Variants in TACO1 observed in about 807,000 individuals in gnomAD.
TACO1 encodes the protein translational activator of cytochrome c oxidase I.
TACO1 carries 13 observed loss-of-function variants against 24.0 expected under a neutral mutation model. The ratio of observed to expected loss-of-function variants is 0.54; its 90% CI spans 0.35 to 0.86. The LOEUF (loss-of-function observed/expected upper bound fraction) is 0.86, where lower values mean the gene tolerates loss of function less well. TACO1 is among the 40% of genes least tolerant of loss of function. The probability of loss-of-function intolerance (pLI) is 0.01; values close to 1 mark genes in which losing one functional copy is unlikely to be tolerated. For missense variants in TACO1, 352 were observed against 380.1 expected, an observed-to-expected ratio of 0.93 and a Z score of 0.61; for synonymous variants, 149 against 153.5, an observed-to-expected ratio of 0.97 and a Z score of 0.22.
intron 2 of TACO1, 29 bp downstream of exon 2, chr17:63,604,669 G>A (rs887069990): frequency 2.5e-6 from 4 of 1,589,940 alleles, no homozygotes; most frequent in Non-Finnish European, 2.6e-6. Context: ...GCTTTTTATT[G>A]ATCACAGCCT....
In TACO1 at chr17:63,606,626, A is replaced by G. The variant is rs539014893; in HGVS notation, c.515+186A>G. 1.5e-5 allele frequency: 10 copies of G among 660,430 alleles called. No homozygotes were observed. In the South Asian group the frequency reaches 1.8e-4, roughly 12 times the overall value. The allele number at this position is 660,430 out of a possible 1,614,324, so 40.9% of individuals were successfully genotyped here. ...AATGGCATGATCTTGGCTCACTGCA[A>G]CCTCTGCTTTCTGGGTTCAAGTGAT... On this transcript the variant is annotated intron_variant, in intron 3 of 4. Coordinates refer to ENST00000258975, the MANE Select transcript of TACO1 (RefSeq NM_016360.4).
intron 1 of TACO1, among the ~76,000 whole-genome samples, chr17:63,603,172 C>T (rs1484903636): frequency 2.0e-5 from 3 of 151,780 alleles, no homozygotes; most frequent in Non-Finnish European, 4.4e-5. Context: ...GAAGGCGGCG[C>T]TTGCAGTGAG....
intron 1 of TACO1, among the ~76,000 whole-genome samples, chr17:63,603,010 C>T (rs927304971): frequency 1.3e-5 from 2 of 151,954 alleles, no homozygotes; most frequent in Non-Finnish European, 2.9e-5. Context: ...CTGAGGCCGG[C>T]GGATCACGAG....
In TACO1 at chr17:63,608,150, A is replaced by G; in HGVS notation, c.*148A>G. 1 of 840,976 alleles carries G rather than the reference A, an allele frequency of 1.2e-6. No homozygotes were observed. The highest frequency in any genetic ancestry group is 1.5e-5 in the South Asian group (1 of 68,900). 52.1% of individuals were successfully genotyped at this position (840,976 alleles called of 1,614,324 possible). A position where few individuals can be genotyped will look rare whatever the true frequency, so the allele number is the denominator to read the frequency against. The stretch of plus-strand genomic sequence containing the variant: ...GGACAGGACTTGCGACCTTGAAGCC[A>G]AAGGAATCTCACTTGTGGGGCCTCC... On this transcript the variant is annotated 3_prime_UTR_variant, in exon 5 of 5. Transcript: ENST00000258975.
chr17:63,605,346 A>T (rs1324486764), intron 2 of TACO1, among the ~76,000 whole-genome samples: 1 of 152,084 alleles, frequency 6.6e-6, no homozygotes, highest in Non-Finnish European at 1.5e-5. Context: ...TGGGAGGGGC[A>T]GGTATATAGA....
chr17:63,603,706 A>G (rs2033839605), intron 1 of TACO1, among the ~76,000 whole-genome samples: 1 of 145,438 alleles, frequency 6.9e-6, no homozygotes, highest in Admixed American at 6.6e-5. Flanking sequence ...ACAGAGTGAG[A>G]CTCTGTCTCA....
At chr17:63,603,185 G>A (rs1327553421) in intron 1 of TACO1, among the ~76,000 whole-genome samples, 1 of 151,748 alleles carries the variant, frequency 6.6e-6, no homozygotes, top group Non-Finnish European at 1.5e-5. Flanking sequence ...GCAGTGAGCC[G>A]AGATTACACC....
intron 1 of TACO1, among the ~76,000 whole-genome samples, chr17:63,603,648 T>C (rs1250983321): frequency 1.3e-5 from 2 of 149,368 alleles, no homozygotes; most frequent in Non-Finnish European, 3.0e-5. Flanking sequence ...GGAGGTTGCA[T>C]TGAGCCAAGA....
intron 3 of TACO1, 55 bp from the exon 4 acceptor site, chr17:63,607,232 G>A: frequency 6.7e-7 from 1 of 1,492,312 alleles, no homozygotes; most frequent in Non-Finnish European, 9.3e-7. Context: ...GAGCTTTATG[G>A]AGGCTGAGCT....
At chr17:63,604,707 C>A (rs2033849861) in intron 2 of TACO1, 67 bp downstream of exon 2, 3 of 1,381,844 alleles carry the variant, frequency 2.2e-6, no homozygotes, top group Non-Finnish European at 3.1e-6. Flanking sequence ...GGATGGCCAA[C>A]AAACACACTG....
At chr17:63,606,273 A>G in intron 2 of TACO1, 40 bp from the exon 3 acceptor site, 1 of 1,612,084 alleles carries the variant, frequency 6.2e-7, no homozygotes, top group Non-Finnish European at 8.5e-7. Context: ...GTGGGAAGGA[A>G]TTGGGAAACA....
At chr17:63,607,061 C>A in intron 3 of TACO1, 1 of 589,518 alleles carries the variant, frequency 1.7e-6, no homozygotes. Flanking sequence ...GCTAAGTCTG[C>A]TTCCTCCCAA....
chr17:63,602,921 G>A (rs773760415), intron 1 of TACO1, among the ~76,000 whole-genome samples: 1 of 152,160 alleles, frequency 6.6e-6, no homozygotes, highest in Non-Finnish European at 1.5e-5. Context: ...AGATCACAAT[G>A]TCATGTGAAC....
rs773946090 is a variant in TACO1 at position 63,601,204 on chromosome 17, G to T, written c.121G>T (p.Gly41Cys). 1.3e-6 allele frequency: 2 copies of T among 1,573,944 alleles called. No homozygotes were observed. The highest frequency in any genetic ancestry group is 1.9e-5 in the Admixed American group (1 of 53,590). The change falls in exon 1 of 5, where the codon GGC becomes TGC. Residue 41 changes from glycine to cysteine, a missense_variant. Physicochemically the swap from Gly to Cys is radical, Grantham distance 159 (BLOSUM62 -3). Transcript: ENST00000258975. Reference sequence around the variant, plus strand: ...CCGGCCCTCCCACCCCGAGCCCCGGGGCTGCGGTGCCGCTCCGGGCAGGAC... The same window carrying T: ...CCGGCCCTCCCACCCCGAGCCCCGGTGCTGCGGTGCCGCTCCGGGCAGGAC... ...DPRPSHPEPR[G>C]CGAAPGRTLH... is the part of the protein sequence containing the mutation.
intron 1 of TACO1, among the ~76,000 whole-genome samples, chr17:63,602,859 G>T (rs1181664415): frequency 6.6e-6 from 1 of 152,094 alleles, no homozygotes; most frequent in African/African-American, 2.4e-5. Context: ...TTTATTTTGT[G>T]CCAGGCATGC....
At chr17:63,604,086 C>T (rs559635507) in intron 1 of TACO1, among the ~76,000 whole-genome samples, 1 of 152,132 alleles carries the variant, frequency 6.6e-6, no homozygotes, top group East Asian at 1.9e-4. Context: ...ACTTGTAATC[C>T]CAGCACTTTC....
chr17:63,608,334 C>T lies in TACO1; in HGVS notation c.*332C>T, dbSNP rs1437266346. 1 of 400,208 alleles carries T rather than the reference C, an allele frequency of 2.5e-6. No homozygotes were observed. The highest frequency in any genetic ancestry group is 5.8e-5 in the East Asian group (1 of 17,274). The allele number at this position is 400,208 out of a possible 1,614,324, so 24.8% of individuals were successfully genotyped here. A position where few individuals can be genotyped will look rare whatever the true frequency, so the allele number is the denominator to read the frequency against. Reference sequence around the variant, plus strand: ...GAGGCGCTCTGTACTAGAAACTGCTCTTAATAATAACGGTGATTATTGGTT... The same window carrying T: ...GAGGCGCTCTGTACTAGAAACTGCTTTTAATAATAACGGTGATTATTGGTT... On this transcript the variant is annotated 3_prime_UTR_variant, in exon 5 of 5. Transcript: ENST00000258975.
chr17:63,602,107 A>AC (rs1166763817), intron 1 of TACO1, among the ~76,000 whole-genome samples: 3 of 150,954 alleles, frequency 2.0e-5, no homozygotes, highest in Non-Finnish European at 3.0e-5. Context: ...AAAAAAAAAA[A>AC]AAAACAGCTG....
chr17:63,603,286 A>G (rs1225284893), intron 1 of TACO1, among the ~76,000 whole-genome samples: 1 of 152,148 alleles, frequency 6.6e-6, no homozygotes, highest in Non-Finnish European at 1.5e-5. Context: ...TTATGCACAA[A>G]GTAGTAGAGT....
Sources: gnomAD v4.1 joint callset for allele counts (sites outside exome capture counted in the v4.1 genomes callset) on GRCh38, gnomAD v4.1.1 for gene constraint, MANE v1.5 for transcripts, NCBI Gene and HGNC (gene_info 2026-07-23, HGNC 2026-07-21) for gene names.